Variants in KSR2 observed in about 807,000 individuals in gnomAD.
The protein encoded by KSR2 is kinase suppressor of ras 2.
Under a neutral mutation model 107.8 loss-of-function variants are expected in KSR2, and 25 were observed. The ratio of observed to expected loss-of-function variants is 0.23; its 90% CI spans 0.17 to 0.32. KSR2 has a LOEUF of 0.32. KSR2 is among the 10% of genes least tolerant of loss of function. The pLI is 1.00. For missense variants in KSR2, 887 were observed against 1,268.9 expected, an observed-to-expected ratio of 0.70 and a Z score of 4.57; for synonymous variants, 480 against 507.0, an observed-to-expected ratio of 0.95 and a Z score of 0.71.
At chr12:117,551,850 T>C (rs1877334822) in intron 9 of KSR2, among the ~76,000 whole-genome samples, 1 of 152,188 alleles carries the variant, frequency 6.6e-6, no homozygotes, top group African/African-American at 2.4e-5. Flanking sequence ...CCTTATCAAA[T>C]TCTCCTGCTG....
Position 117,708,045 on chromosome 12 carries a change from A to AATTCTCCT in KSR2, c.987-40395_987-40388dup, listed in dbSNP as rs1357466573. Among the ~76,000 whole-genome samples the AATTCTCCT allele has an allele frequency of 3.3e-5, 5 of 152,330 alleles. No individual in the cohort carries two copies. The East Asian group carries it at 9.6e-4, about 29-fold the overall frequency. On this transcript the variant is annotated intron_variant, in intron 4 of 19. Transcript: ENST00000339824. ...TGCTGCCAGCCTTGTCAGAGCCTTT[A>AATTCTCCT]ATTCTCCTATTTGTGCACTGGATAT...
chr12:117,943,085 A>T (rs933273663), intron 1 of KSR2, among the ~76,000 whole-genome samples: 2 of 152,204 alleles, frequency 1.3e-5, no homozygotes, highest in African/African-American at 4.8e-5. Flanking sequence ...AAGAAACATA[A>T]ACATACATGT....
At chr12:117,829,925 C>T (rs573700282) in intron 3 of KSR2, among the ~76,000 whole-genome samples, 3 of 152,326 alleles carry the variant, frequency 2.0e-5, no homozygotes, top group Non-Finnish European at 4.4e-5. Context: ...AGCTGGCCAG[C>T]ATTATCCTAA....
At chr12:117,531,563 T>C in intron 11 of KSR2, 103 bp downstream of exon 11, 1 of 981,112 alleles carries the variant, frequency 1.0e-6, no homozygotes, top group Admixed American at 2.1e-5. Flanking sequence ...CCCTCTTTGA[T>C]CTTAGGCACC....
intron 1 of KSR2, among the ~76,000 whole-genome samples, chr12:117,887,035 C>T (rs4767634): frequency 0.32 from 48,607 of 151,438 alleles, 8,938 homozygotes; most frequent in East Asian, 0.83. Flanking sequence ...GTGATTCTCC[C>T]ACTTCAGCCT....
chr12:117,500,741 G>A (rs995860463), intron 14 of KSR2, among the ~76,000 whole-genome samples: 10 of 152,152 alleles, frequency 6.6e-5, no homozygotes, highest in South Asian at 4.1e-4. Context: ...TCATCCTCCC[G>A]TCCCTCCAAT....
At chr12:117,611,195 C>T (rs1021456210) in intron 5 of KSR2, among the ~76,000 whole-genome samples, 2 of 152,100 alleles carry the variant, frequency 1.3e-5, no homozygotes, top group African/African-American at 4.8e-5. Context: ...TCTCTCTTGC[C>T]TCTCTTCCTC....
chr12:117,939,892 G>T (rs961666439), intron 1 of KSR2, among the ~76,000 whole-genome samples: 25 of 151,372 alleles, frequency 1.7e-4, no homozygotes, highest in African/African-American at 5.8e-4. Flanking sequence ...AGTGAGCCAA[G>T]ATCGCGCCAC....
rs562992965 is a variant in KSR2 at position 117,664,587 on chromosome 12, A to C, written c.1171+2887T>G. On this transcript the variant is annotated intron_variant, in intron 5 of 19. Transcript: ENST00000339824. ...CCCAAGCCCCACCCAGAGTCCCCAA[A>C]ACCAGCATTCTAATTGCATCAAAAG... Among the ~76,000 whole-genome samples, 4 of 152,222 alleles carry C rather than the reference A, an allele frequency of 2.6e-5. No individual in the cohort carries two copies. The South Asian group carries it at 8.3e-4, about 32-fold the overall frequency.
intron 3 of KSR2, among the ~76,000 whole-genome samples, chr12:117,810,984 C>T (rs774784925): frequency 6.6e-6 from 1 of 152,154 alleles, no homozygotes; most frequent in Non-Finnish European, 1.5e-5. Context: ...CAAAGAGGAT[C>T]AGACTTGATA....
chr12:117,468,925 C>T (rs1404502191), intron 19 of KSR2, among the ~76,000 whole-genome samples: 4 of 152,100 alleles, frequency 2.6e-5, no homozygotes, highest in Non-Finnish European at 4.4e-5. Context: ...AGTGTGAGTA[C>T]CTGAGAGTGT....
intron 7 of KSR2, among the ~76,000 whole-genome samples, chr12:117,574,135 T>C (rs10774935): frequency 0.7 from 105,616 of 151,904 alleles, 38,829 homozygotes; most frequent in South Asian, 0.87. Flanking sequence ...ATAGACATTC[T>C]AGGAGTCTGC....
At chr12:117,521,993 G>T (rs1460283210) in intron 14 of KSR2, among the ~76,000 whole-genome samples, 1 of 152,124 alleles carries the variant, frequency 6.6e-6, no homozygotes, top group Non-Finnish European at 1.5e-5. Context: ...CCACTTCTTT[G>T]GGGCTCATCT....
At chr12:117,486,707 G>T (rs752569226) in intron 14 of KSR2, among the ~76,000 whole-genome samples, 9 of 152,198 alleles carry the variant, frequency 5.9e-5, no homozygotes, top group Non-Finnish European at 1.3e-4. Flanking sequence ...TGAAGCAAGA[G>T]CGCTGGCATC....
At chr12:117,539,574 T>TA in intron 10 of KSR2, 145 bp downstream of exon 10, 1 of 710,288 alleles carries the variant, frequency 1.4e-6, no homozygotes, top group East Asian at 3.1e-5. Context: ...TCAGTCCACA[T>TA]ACTTCCTTGC....
At chr12:117,608,314 C>T (rs1300633153) in intron 5 of KSR2, among the ~76,000 whole-genome samples, 6 of 152,018 alleles carry the variant, frequency 3.9e-5, no homozygotes, top group Admixed American at 6.6e-5. Flanking sequence ...AGTAGCTGTT[C>T]GATTAAGAAA....
chr12:117,723,821 T>C (rs1049716702), intron 4 of KSR2, among the ~76,000 whole-genome samples: 23 of 152,164 alleles, frequency 1.5e-4, no homozygotes, highest in South Asian at 4.1e-4. Flanking sequence ...TAAAAAAATC[T>C]AATACGGGAT....
At chr12:117,492,128 C>T (rs1253999935) in intron 14 of KSR2, among the ~76,000 whole-genome samples, 1 of 152,226 alleles carries the variant, frequency 6.6e-6, no homozygotes, top group African/African-American at 2.4e-5. Flanking sequence ...GCTACCCCAC[C>T]TCTCCCAGCC....
intron 4 of KSR2, among the ~76,000 whole-genome samples, chr12:117,707,034 G>C (rs1177490774): frequency 2.0e-5 from 3 of 152,186 alleles, no homozygotes; most frequent in African/African-American, 7.2e-5. Flanking sequence ...ATATTTGTGT[G>C]TGTGTGCAAA....
Sources: gnomAD v4.1 joint callset for allele counts (sites outside exome capture counted in the v4.1 genomes callset) on GRCh38, gnomAD v4.1.1 for gene constraint, MANE v1.5 for transcripts, NCBI Gene and HGNC (gene_info 2026-07-23, HGNC 2026-07-21) for gene names.